Variants in RNF128 observed in about 807,000 individuals in gnomAD.
RNF128 encodes E3 ubiquitin-protein ligase RNF128.
RNF128 carries 13 observed loss-of-function variants against 26.2 expected under a neutral mutation model. The observed-to-expected ratio is 0.50, with a 90% CI of 0.32 to 0.79. The LOEUF (loss-of-function observed/expected upper bound fraction) is 0.79. RNF128 is among the 30% of genes least tolerant of loss of function. The pLI is 0.03. For missense variants in RNF128, 315 were observed against 349.7 expected (o/e 0.90, Z 0.79); for synonymous variants, 149 against 142.5 (o/e 1.05, Z -0.32).
intron 1 of RNF128, among the ~76,000 whole-genome samples, chrX:106,754,001 C>T (rs1602379515): frequency 9.0e-6 from 1 of 111,369 alleles, no homozygotes; most frequent in East Asian, 2.8e-4. Context: ...ATAATAATAG[C>T]TGGAGACTTC....
chrX:106,716,646 T>C (rs368912696), intron 1 of RNF128, among the ~76,000 whole-genome samples: 18 of 110,790 alleles, frequency 1.6e-4, no homozygotes, highest in African/African-American at 5.9e-4. Context: ...GGCAGCAAAC[T>C]AGATAGCCTG....
chrX:106,789,238 G>C (rs1369143210), intron 4 of RNF128, among the ~76,000 whole-genome samples: 1 of 94,348 alleles, frequency 1.1e-5, no homozygotes, highest in Non-Finnish European at 2.1e-5. Context: ...ACTAAGGAGT[G>C]AACACTTCCA....
chrX:106,714,072 G>A (rs774459561), intron 1 of RNF128, among the ~76,000 whole-genome samples: 110 of 108,958 alleles, frequency 1.0e-3, no homozygotes, highest in Non-Finnish European at 1.8e-3. Context: ...CAGCTACTGG[G>A]GAGGCTGAGG....
At chrX:106,739,117 CTTCCTTCCTTCCTTTT>C (rs761630654) in intron 1 of RNF128, among the ~76,000 whole-genome samples, 4 of 108,822 alleles carry the variant, frequency 3.7e-5, no homozygotes, top group African/African-American at 6.9e-5. Flanking sequence ...CTTCTCTTCT[CTTCCTTCCTTCCTTTT>C]TTCCTTCCTT....
chrX:106,748,543 T>C (rs972792683), intron 1 of RNF128, among the ~76,000 whole-genome samples: 3 of 112,113 alleles, frequency 2.7e-5, no homozygotes, highest in African/African-American at 9.7e-5. Context: ...AAAAGATGAA[T>C]GGATAAAGAA....
At chrX:106,745,029 G>A (rs1009490337) in intron 1 of RNF128, among the ~76,000 whole-genome samples, 4 of 111,448 alleles carry the variant, frequency 3.6e-5, no homozygotes, top group African/African-American at 1.3e-4. Flanking sequence ...TTACCTATGA[G>A]TGTGACATGT....
chrX:106,721,457 C>T (rs369798013), intron 1 of RNF128, among the ~76,000 whole-genome samples: 2 of 112,102 alleles, frequency 1.8e-5, no homozygotes, highest in African/African-American at 6.5e-5. Context: ...CACAATGGTT[C>T]CCTGCTGTTG....
At chrX:106,781,571 C>T (rs1463658093) in intron 2 of RNF128, among the ~76,000 whole-genome samples, 2 of 111,086 alleles carry the variant, frequency 1.8e-5, no homozygotes, top group East Asian at 5.7e-4. Context: ...TCTTGAATAT[C>T]GTGAGGCAGT....
At position 106,706,409 on chromosome X, in the gene RNF128, G is replaced by A. The variant is rs141837397; in HGVS notation, c.406+12001G>A. ...GTGAAAAAAAAACAAAAAAAAACAA[G>A]GGTTTACTTATTCACTCAACAAATG... is the stretch of plus-strand genomic sequence containing the variant. On this transcript the variant is annotated intron_variant, in intron 1 of 6. Transcript: ENST00000324342. Among the ~76,000 whole-genome samples the A allele has an allele frequency of 2.8e-3, 309 of 110,071 alleles. 1 individual carries two copies. The highest frequency in any genetic ancestry group is 0.019 in the Middle Eastern group (4 of 210).
At chrX:106,780,166 A>G (rs1028970621) in intron 2 of RNF128, among the ~76,000 whole-genome samples, 1 of 111,529 alleles carries the variant, frequency 9.0e-6, no homozygotes, top group East Asian at 2.8e-4. Context: ...TTAAGCTAAA[A>G]GCTGAACGCC....
chrX:106,737,782 C>T (rs1362917784), intron 1 of RNF128, among the ~76,000 whole-genome samples: 1 of 111,568 alleles, frequency 9.0e-6, no homozygotes, highest in Non-Finnish European at 1.9e-5. Context: ...ATATTGAACA[C>T]AATTCCAAAA....
In RNF128 at chrX:106,778,920, T is replaced by C. The variant is rs745979005; in HGVS notation, c.732+5760T>C. 5.8e-4 allele frequency among the ~76,000 whole-genome samples: 65 copies of C among 112,128 alleles called. 2 individuals carry two copies. Among genetic ancestry groups the C allele is most frequent in the Non-Finnish European group, 1.1e-3 (59 of 53,271 alleles). On this transcript the variant is annotated intron_variant, in intron 2 of 6. Transcript: ENST00000255499. ...CTAGTACACGAAATTATCTGGAAGATTCATTAAGTACCTGCACACTGTACC... is the reference window on the plus strand; with the variant it reads ...CTAGTACACGAAATTATCTGGAAGACTCATTAAGTACCTGCACACTGTACC...
chrX:106,789,989 C>T (rs1930790714), intron 4 of RNF128, among the ~76,000 whole-genome samples, 197 bp from the exon 5 acceptor site: 1 of 109,872 alleles, frequency 9.1e-6, no homozygotes, highest in Non-Finnish European at 1.9e-5. Context: ...AGTAATGAGG[C>T]TTTTACATTT....
intron 1 of RNF128, among the ~76,000 whole-genome samples, chrX:106,709,232 A>T (rs1321271798): frequency 9.0e-6 from 1 of 111,657 alleles, no homozygotes; most frequent in East Asian, 2.8e-4. Context: ...CAATGAAAAA[A>T]GTTATATCTA....
intron 6 of RNF128, 28 bp downstream of exon 6, chrX:106,791,262 T>C: frequency 8.5e-7 from 1 of 1,178,995 alleles, no homozygotes; most frequent in Admixed American, 2.2e-5. Context: ...GGTTAACGAG[T>C]GCCCTGCAAT....
rs777312458 is a variant in RNF128, at chrX:106,785,050, T to G, written c.733-15T>G. On this transcript the variant is annotated splice_polypyrimidine_tract_variant and intron_variant, in intron 2 of 6. Coordinates refer to ENST00000255499, the MANE Select transcript of RNF128 (RefSeq NM_194463.2). The stretch of plus-strand genomic sequence containing the variant: ...AAAATAGTTTTTCTAATACCTGCTG[T>G]TTTTTTTTTTACAGAGGCAATTAAA... 3.6e-5 allele frequency: 29 copies of G among 804,256 alleles called. No individual in the cohort carries two copies. In the African/African-American group the frequency reaches 4.8e-4, roughly 13 times the overall value. 66.3% of individuals were successfully genotyped at this position (804,256 alleles called of 1,213,427 possible). A position where few individuals can be genotyped will look rare whatever the true frequency, so the allele number is the denominator to read the frequency against.
intron 2 of RNF128, among the ~76,000 whole-genome samples, chrX:106,779,441 G>A (rs1216939435): frequency 1.9e-5 from 2 of 107,075 alleles, no homozygotes; most frequent in East Asian, 2.9e-4. Context: ...AAACCATGCT[G>A]TAAATAAGAT....
intron 1 of RNF128, chrX:106,694,537 C>A (rs1227889614): frequency 2.6e-6 from 1 of 387,382 alleles, no homozygotes; most frequent in Non-Finnish European, 4.2e-6. Flanking sequence ...TCTTGCCTGG[C>A]ACAACTTGTA....
chrX:106,789,335 T>TAC, intron 4 of RNF128, among the ~76,000 whole-genome samples: 1 of 97,347 alleles, frequency 1.0e-5, no homozygotes, highest in Non-Finnish European at 2.0e-5. Flanking sequence ...TCCTTATATT[T>TAC]ATGTGTATTT....
Sources: allele counts gnomAD v4.1 joint callset (sites outside exome capture counted in the v4.1 genomes callset), GRCh38; gene constraint gnomAD v4.1.1; transcripts MANE v1.5; gene names NCBI Gene and HGNC (gene_info 2026-07-23, HGNC 2026-07-21).